Variants in L3MBTL4 observed in about 807,000 individuals in gnomAD.
L3MBTL4 encodes lethal(3)malignant brain tumor-like protein 4.
A neutral mutation model predicts 84.5 loss-of-function variants in L3MBTL4; 70 were observed. That is an observed-to-expected ratio of 0.83 (90% confidence interval 0.68 to 1.01). The LOEUF (loss-of-function observed/expected upper bound fraction) is 1.01. Ranked by LOEUF, L3MBTL4 falls within the 50% of genes least tolerant of loss-of-function variation. L3MBTL4 has a pLI of 0.00. For missense variants in L3MBTL4, 715 were observed against 754.8 expected (o/e 0.95, Z 0.62); for synonymous variants, 274 against 259.8 (o/e 1.05, Z -0.52).
chr18:6,277,051 G>A (rs893275727), intron 4 of L3MBTL4, among the ~76,000 whole-genome samples: 2 of 148,408 alleles, frequency 1.3e-5, no homozygotes, highest in Admixed American at 6.9e-5. Flanking sequence ...ACTCTTGACT[G>A]AGTTCTTCCT....
intron 16 of L3MBTL4, among the ~76,000 whole-genome samples, chr18:6,016,280 G>A (rs538520020): frequency 3.3e-5 from 5 of 152,280 alleles, no homozygotes; most frequent in East Asian, 1.9e-4. Context: ...TTTGAGAGAC[G>A]GCTGGAATTT....
At chr18:6,058,098 C>T (rs563347201) in intron 16 of L3MBTL4, among the ~76,000 whole-genome samples, 2 of 152,180 alleles carry the variant, frequency 1.3e-5, no homozygotes, top group Non-Finnish European at 2.9e-5. Context: ...AACAGATTGT[C>T]CAATGATACG....
chr18:6,216,029 C>A (rs1183671815), intron 10 of L3MBTL4, among the ~76,000 whole-genome samples, 194 bp from the exon 11 acceptor site: 2 of 152,160 alleles, frequency 1.3e-5, no homozygotes. Context: ...TGCCTGCACT[C>A]AAGCACTTAC....
At chr18:6,363,751 A>G (rs928460477) in intron 1 of L3MBTL4, among the ~76,000 whole-genome samples, 5 of 152,170 alleles carry the variant, frequency 3.3e-5, no homozygotes, top group African/African-American at 1.2e-4. Flanking sequence ...GAAGGAGCCC[A>G]GCTTTGAACC....
In L3MBTL4 at chr18:5,956,106, G is replaced by T. The variant is rs2095225115; in HGVS notation, c.*114C>A. 1 of 890,926 alleles carries T rather than the reference G, an allele frequency of 1.1e-6. No individual in the cohort carries two copies. The highest frequency in any genetic ancestry group is 1.8e-6 in the Non-Finnish European group (1 of 568,440). The allele number at this position is 890,926 out of a possible 1,614,324, so 55.2% of individuals were successfully genotyped here. On this transcript the variant is annotated 3_prime_UTR_variant, in exon 19 of 19. Coordinates refer to ENST00000317931, the MANE Select transcript of L3MBTL4 (RefSeq NM_001330559.2). ...AAACAAATCACAGACACTTTAAAAAGTCCAGATTCAGTGTGGATACGGCCA... is the reference window on the plus strand; with the variant it reads ...AAACAAATCACAGACACTTTAAAAATTCCAGATTCAGTGTGGATACGGCCA...
At chr18:6,274,039 A>G (rs2048981120) in intron 4 of L3MBTL4, among the ~76,000 whole-genome samples, 2 of 152,238 alleles carry the variant, frequency 1.3e-5, no homozygotes, top group African/African-American at 4.8e-5. Flanking sequence ...AATGCATGTT[A>G]AAGTTTGAGA....
intron 1 of L3MBTL4, among the ~76,000 whole-genome samples, chr18:6,343,718 T>C (rs1175951423): frequency 1.3e-5 from 2 of 148,230 alleles, no homozygotes; most frequent in Non-Finnish European, 3.0e-5. Context: ...TCAGCCACAA[T>C]GGTATGAAAC....
In L3MBTL4 at chr18:6,410,513, A is replaced by T. The variant is rs1246608762; in HGVS notation, c.-91+4288T>A. Among the ~76,000 whole-genome samples, 3 of 152,160 alleles carry T rather than the reference A, an allele frequency of 2.0e-5. No individual in the cohort carries two copies. The South Asian group carries it at 6.2e-4, about 31-fold the overall frequency. ...AGTTCCTTAATACACTCAAAAAAAA[A>T]ATAAAGGACTGGAGCAATGCTGATT... On this transcript the variant is annotated intron_variant, in intron 1 of 18. Transcript: ENST00000317931.
At chr18:6,000,783 T>C (rs1476926222) in intron 16 of L3MBTL4, among the ~76,000 whole-genome samples, 1 of 152,184 alleles carries the variant, frequency 6.6e-6, no homozygotes, top group Non-Finnish European at 1.5e-5. Context: ...TAAACACTCA[T>C]TACAGCATCC....
rs533077856 is a variant in L3MBTL4 at position 6,144,522 on chromosome 18, C to A, written c.1097-6226G>T. Among the ~76,000 whole-genome samples, 36 of 152,282 alleles carry A rather than the reference C, an allele frequency of 2.4e-4. 1 individual carries two copies. In the Middle Eastern group the frequency reaches 0.017, roughly 72 times the overall value. Reference sequence around the variant, plus strand: ...TATCTGAATAATGAATAATGCTTTACCCTAACATGATACTATTGTAAGATG... The same window carrying A: ...TATCTGAATAATGAATAATGCTTTAACCTAACATGATACTATTGTAAGATG... On this transcript the variant is annotated intron_variant, in intron 13 of 18. Coordinates refer to ENST00000317931, the MANE Select transcript of L3MBTL4 (RefSeq NM_001330559.2).
chr18:6,034,633 C>A (rs866660799), intron 16 of L3MBTL4, among the ~76,000 whole-genome samples: 4 of 152,168 alleles, frequency 2.6e-5, no homozygotes, highest in Admixed American at 6.5e-5. Context: ...TTTATAGCAG[C>A]ATGATTTATA....
intron 4 of L3MBTL4, among the ~76,000 whole-genome samples, 159 bp from the exon 5 acceptor site, chr18:6,264,197 A>C (rs112111134): frequency 0.047 from 7,158 of 152,262 alleles, 230 homozygotes; most frequent in Non-Finnish European, 0.069. Flanking sequence ...TCATATGAAC[A>C]TTTAGTAAAA....
chr18:6,209,536 A>G (rs112008999), intron 12 of L3MBTL4, among the ~76,000 whole-genome samples: 111 of 152,174 alleles, frequency 7.3e-4, no homozygotes, highest in African/African-American at 2.6e-3. Context: ...GTCCTCATAT[A>G]CCGCTAATGG....
intron 1 of L3MBTL4, among the ~76,000 whole-genome samples, chr18:6,374,658 C>T (rs559643768): frequency 9.9e-5 from 15 of 152,216 alleles, no homozygotes; most frequent in African/African-American, 3.6e-4. Context: ...CTGTTCTCAC[C>T]ACTAAGTGGT....
intron 3 of L3MBTL4, among the ~76,000 whole-genome samples, chr18:6,305,462 A>G (rs780227971): frequency 2.6e-5 from 4 of 152,252 alleles, no homozygotes; most frequent in Non-Finnish European, 4.4e-5. Context: ...TAATGAACAG[A>G]GAGTGAATTT....
intron 5 of L3MBTL4, among the ~76,000 whole-genome samples, chr18:6,248,975 G>T (rs971520678): frequency 1.3e-5 from 2 of 152,116 alleles, no homozygotes; most frequent in African/African-American, 4.8e-5. Context: ...CTTAAAAGAT[G>T]ACAAACCCCA....
intron 16 of L3MBTL4, among the ~76,000 whole-genome samples, chr18:6,078,435 A>T (rs1385906186): frequency 6.7e-6 from 1 of 148,472 alleles, no homozygotes; most frequent in African/African-American, 2.5e-5. Flanking sequence ...TCAAAAAAAA[A>T]AAACAAAAAA....
intron 12 of L3MBTL4, among the ~76,000 whole-genome samples, chr18:6,209,801 T>C (rs991865364): frequency 1.3e-5 from 2 of 152,220 alleles, no homozygotes; most frequent in East Asian, 1.9e-4. Flanking sequence ...ATGGCTATTA[T>C]TCAGAAATAA....
intron 1 of L3MBTL4, among the ~76,000 whole-genome samples, chr18:6,404,937 C>T (rs1234261429): frequency 5.9e-5 from 9 of 152,014 alleles, no homozygotes; most frequent in Admixed American, 5.9e-4. Context: ...CTCAAGCAAT[C>T]CTCCCACCTC....
Sources: allele counts gnomAD v4.1 joint callset (sites outside exome capture counted in the v4.1 genomes callset), GRCh38; gene constraint gnomAD v4.1.1; transcripts MANE v1.5; gene names NCBI Gene and HGNC (gene_info 2026-07-23, HGNC 2026-07-21).